Variants in CREBRF observed in about 807,000 individuals in gnomAD.
CREBRF encodes CREB3 regulatory factor.
A neutral mutation model predicts 66.1 loss-of-function variants in CREBRF; 5 were observed. That is an observed-to-expected ratio of 0.08 (90% CI 0.04 to 0.16). The LOEUF (loss-of-function observed/expected upper bound fraction) is 0.16. Among genes scored for constraint, CREBRF ranks in the 10% least tolerant of loss-of-function variants. The probability of loss-of-function intolerance (pLI) is 1.00; values close to 1 mark genes in which losing one functional copy is unlikely to be tolerated. For missense variants in CREBRF, 531 were observed against 744.9 expected (o/e 0.71, Z 3.34); for synonymous variants, 229 against 264.4 (o/e 0.87, Z 1.30).
intron 4 of CREBRF, among the ~76,000 whole-genome samples, chr5:173,095,183 C>CTT (rs34893180): frequency 0.011 from 987 of 89,604 alleles, 1 homozygote; most frequent in East Asian, 0.015. Context: ...ATTACTATAG[C>CTT]TTTTTTTTTT....
intron 4 of CREBRF, among the ~76,000 whole-genome samples, chr5:173,095,365 A>G (rs1207250769): frequency 6.6e-6 from 1 of 151,396 alleles, no homozygotes; most frequent in Non-Finnish European, 1.5e-5. Flanking sequence ...ATTTTTTTGT[A>G]TTTTTAGTAG....
At chr5:173,128,498 T>C (rs887641664) in intron 8 of CREBRF, among the ~76,000 whole-genome samples, 12 of 151,932 alleles carry the variant, frequency 7.9e-5, no homozygotes, top group African/African-American at 2.4e-4. Flanking sequence ...TGTGTAGAAC[T>C]GAGAAAAGTT....
intron 4 of CREBRF, among the ~76,000 whole-genome samples, chr5:173,095,401 G>T (rs1162578048): frequency 2.0e-5 from 3 of 151,932 alleles, no homozygotes. Flanking sequence ...GTCTTAGCCA[G>T]GATGGTCTCG....
rs767574002 is a variant in CREBRF at position 173,090,546 on chromosome 5, T to A, written c.367T>A (p.Phe123Ile). Reference protein sequence around the residue: ...KEVDYLGLDDFSSPYQDEEVI... With the variant: ...KEVDYLGLDDISSPYQDEEVI... ...AGTGGATTACTTGGGTCTTGATGACTTTTCTAGTCCTTACCAAGATGAAGA... is the reference window on the plus strand; with the variant it reads ...AGTGGATTACTTGGGTCTTGATGACATTTCTAGTCCTTACCAAGATGAAGA... Residue 123 changes from phenylalanine (F) to isoleucine (I), a missense_variant, in exon 4 of 9, where the codon TTT becomes ATT. Physicochemically the swap from Phe to Ile is conservative, Grantham distance 21. Around this residue, in one of 5 missense-constraint regions of CREBRF, gnomAD observed 133 missense variants for 215.6 expected, o/e 0.62. Transcript: ENST00000296953. This position sits in a 1 kb window ranked among gnomAD's most constrained non-coding sequence, Gnocchi z 4.5. 17 of 1,614,006 alleles carry A rather than the reference T, an allele frequency of 1.1e-5. No homozygotes were observed. The highest frequency in any genetic ancestry group is 1.4e-5 in the Non-Finnish European group (16 of 1,179,884).
chr5:173,076,853 G>A (rs1473150192), intron 1 of CREBRF, among the ~76,000 whole-genome samples: 1 of 151,556 alleles, frequency 6.6e-6, no homozygotes, highest in Non-Finnish European at 1.5e-5. Context: ...AAGACCTCTG[G>A]TCACATGAAA....
intron 8 of CREBRF, among the ~76,000 whole-genome samples, chr5:173,130,056 C>A (rs1008517270): frequency 3.3e-5 from 5 of 152,164 alleles, no homozygotes; most frequent in African/African-American, 1.2e-4. Flanking sequence ...AACTCCTGAC[C>A]TTGTGATCCA....
Position 173,090,685 on chromosome 5 carries a change from C to A in CREBRF, c.506C>A (p.Pro169His). 1 of 1,614,078 alleles carries A rather than the reference C, an allele frequency of 6.2e-7. No individual in the cohort carries two copies. The highest frequency in any genetic ancestry group is 8.5e-7 in the Non-Finnish European group (1 of 1,180,010). The change falls in exon 4 of 9, where the codon CCC becomes CAC. Residue 169 changes from proline (P) to histidine (H), a missense_variant. By Grantham distance (77) the Pro-to-His change is moderately conservative (BLOSUM62 -2). Around this residue, in one of 5 missense-constraint regions of CREBRF, gnomAD observed 133 missense variants for 215.6 expected, o/e 0.62. Coordinates refer to ENST00000296953, the MANE Select transcript of CREBRF (RefSeq NM_153607.3). This position sits in a 1 kb window ranked among gnomAD's most constrained non-coding sequence, Gnocchi z 4.5. ...SLFSVKQNPL[P>H]SSFPGKKITS... ...TTCAGTGTCAAACAAAATCCCTTAC[C>A]CTCTTCATTCCCTGGTAAAAAGATC...
chr5:173,075,591 C>G (rs1757736908), intron 1 of CREBRF, among the ~76,000 whole-genome samples: 1 of 152,086 alleles, frequency 6.6e-6, no homozygotes, highest in Admixed American at 6.6e-5. Flanking sequence ...CAGATGGGTC[C>G]TAGTTTGCTA....
intron 1 of CREBRF, among the ~76,000 whole-genome samples, chr5:173,076,466 A>G (rs986854754): frequency 6.6e-6 from 1 of 152,062 alleles, no homozygotes. Flanking sequence ...ATTAGAGGTC[A>G]TGGCCAGGCA....
At chr5:173,059,346 T>G (rs1757196268) in intron 1 of CREBRF, among the ~76,000 whole-genome samples, 2 of 137,524 alleles carry the variant, frequency 1.5e-5, no homozygotes, top group Admixed American at 7.7e-5. Context: ...CTCACTGCAA[T>G]CTCCGCCTCC....
intron 4 of CREBRF, among the ~76,000 whole-genome samples, chr5:173,104,711 CAGAGAGAGAG>C (rs112995190): frequency 8.2e-5 from 12 of 146,598 alleles, no homozygotes; most frequent in South Asian, 2.2e-4. Context: ...GCAACAAATT[CAGAGAGAGAG>C]AGAGAGAGAG....
At chr5:173,120,954 A>C (rs1471009869) in intron 7 of CREBRF, among the ~76,000 whole-genome samples, 1 of 151,966 alleles carries the variant, frequency 6.6e-6, no homozygotes, top group African/African-American at 2.4e-5. Context: ...CAGCCTCCCA[A>C]AGTACTGGGA....
chr5:173,081,645 A>G (rs1757946352), intron 2 of CREBRF, among the ~76,000 whole-genome samples: 1 of 152,178 alleles, frequency 6.6e-6, no homozygotes, highest in Non-Finnish European at 1.5e-5. Context: ...GCGGCCGGCT[A>G]GGCACAGTGG....
chr5:173,064,972 G>A (rs1757390461), intron 1 of CREBRF, among the ~76,000 whole-genome samples: 1 of 152,174 alleles, frequency 6.6e-6, no homozygotes, highest in Non-Finnish European at 1.5e-5. Context: ...GCCTCCCAAA[G>A]TGTTGGGGTT....
At chr5:173,099,281 G>T (rs1758557000) in intron 4 of CREBRF, among the ~76,000 whole-genome samples, 2 of 151,998 alleles carry the variant, frequency 1.3e-5, no homozygotes, top group African/African-American at 2.4e-5. Context: ...TCAGTCTCCT[G>T]AGTAGTTAGG....
intron 1 of CREBRF, among the ~76,000 whole-genome samples, chr5:173,071,037 G>A (rs1160650776): frequency 1.3e-5 from 2 of 152,102 alleles, no homozygotes; most frequent in African/African-American, 4.8e-5. Context: ...TAGGAGAGAA[G>A]ATGAAAAATA....
intron 2 of CREBRF, among the ~76,000 whole-genome samples, chr5:173,082,256 A>G (rs1467749625): frequency 2.0e-5 from 3 of 151,376 alleles, no homozygotes; most frequent in South Asian, 4.2e-4. Flanking sequence ...CTCGTGATCC[A>G]CCCGCCTTGG....
At chr5:173,122,560 A>T (rs551396534) in intron 7 of CREBRF, among the ~76,000 whole-genome samples, 2 of 138,712 alleles carry the variant, frequency 1.4e-5, no homozygotes, top group Non-Finnish European at 3.1e-5. Flanking sequence ...GGTGTCATCT[A>T]TTATTTCTTT....
chr5:173,098,736 A>G (rs1758540241), intron 4 of CREBRF, among the ~76,000 whole-genome samples: 1 of 152,010 alleles, frequency 6.6e-6, no homozygotes, highest in Non-Finnish European at 1.5e-5. Flanking sequence ...CTTTAGTTCT[A>G]TTAATATTTG....
Sources: gnomAD v4.1 joint callset for allele counts (sites outside exome capture counted in the v4.1 genomes callset) on GRCh38, gnomAD v4.1.1 for gene constraint, gnomAD v4.1.1 regional missense constraint, Gnocchi (gnomAD v3.1) non-coding constraint, MANE v1.5 for transcripts, NCBI Gene and HGNC (gene_info 2026-07-23, HGNC 2026-07-21) for gene names.